The following NACC2 variants were observed in gnomAD, a reference collection of about 807,000 sequenced individuals.
NACC2 encodes nucleus accumbens-associated protein 2.
Under a neutral mutation model 25.1 loss-of-function variants are expected in NACC2, and 8 were observed. The observed-to-expected ratio is 0.32, with a 90% CI of 0.19 to 0.57. The LOEUF (loss-of-function observed/expected upper bound fraction) is 0.57. Among genes scored for constraint, NACC2 ranks in the 20% least tolerant of loss-of-function variants. NACC2 has a pLI of 0.89. For synonymous variants in NACC2, 435 were observed against 294.7 expected (o/e 1.48, Z -4.88); for missense variants, 644 against 650.2 (o/e 0.99, Z 0.10).
At chr9:136,025,540 G>C (rs1840374932) in intron 2 of NACC2, among the ~76,000 whole-genome samples, 1 of 151,850 alleles carries the variant, frequency 6.6e-6, no homozygotes, top group Non-Finnish European at 1.5e-5. Flanking sequence ...TTTTTAATGT[G>C]TACAAGAAAT....
At chr9:136,092,734 TGTTC>T (rs1210051029) in intron 1 of NACC2, among the ~76,000 whole-genome samples, 5 of 152,130 alleles carry the variant, frequency 3.3e-5, no homozygotes, top group Non-Finnish European at 5.9e-5. Flanking sequence ...TTCCCAAATG[TGTTC>T]GTTACACTGG....
intron 1 of NACC2, among the ~76,000 whole-genome samples, chr9:136,089,485 C>T (rs79872970): frequency 2.0e-5 from 3 of 151,974 alleles, no homozygotes; most frequent in East Asian, 1.9e-4. Context: ...TGTCACCCCC[C>T]ACAACCCCAC....
intron 3 of NACC2, among the ~76,000 whole-genome samples, chr9:136,014,219 C>T (rs1319680185): frequency 2.0e-5 from 3 of 152,142 alleles, no homozygotes; most frequent in Admixed American, 6.5e-5. Context: ...AAAGCCACAG[C>T]GCCCCCCACC....
chr9:136,063,433 A>G (rs534406063), intron 1 of NACC2, among the ~76,000 whole-genome samples: 1 of 152,212 alleles, frequency 6.6e-6, no homozygotes, highest in Non-Finnish European at 1.5e-5. Context: ...TCCCTCTGAG[A>G]TAAGAAGAGG....
intron 2 of NACC2, among the ~76,000 whole-genome samples, chr9:136,042,017 CAG>C (rs1840641108): frequency 6.6e-6 from 1 of 151,862 alleles, no homozygotes; most frequent in Non-Finnish European, 1.5e-5. Context: ...TTTTTTGAGA[CAG>C]AGTCTCACTC....
chr9:136,045,216 A>AG (rs1379803191), intron 2 of NACC2, among the ~76,000 whole-genome samples: 1 of 151,880 alleles, frequency 6.6e-6, no homozygotes, highest in Non-Finnish European at 1.5e-5. Context: ...AGAGGCACAC[A>AG]GGGGACACCG....
chr9:136,048,582 T>G (rs1303213408), intron 2 of NACC2, among the ~76,000 whole-genome samples: 4 of 152,182 alleles, frequency 2.6e-5, no homozygotes, highest in Non-Finnish European at 5.9e-5. Flanking sequence ...AGTGCGGAGT[T>G]CTCAGGAAGA....
intron 2 of NACC2, among the ~76,000 whole-genome samples, chr9:136,042,855 CAGAG>C (rs1182250946): frequency 1.7e-5 from 2 of 119,680 alleles, no homozygotes; most frequent in Non-Finnish European, 3.5e-5. Flanking sequence ...CAGACACACA[CAGAG>C]ACACAGAGAC....
chr9:136,059,707 A>G (rs1840981508), intron 1 of NACC2, among the ~76,000 whole-genome samples: 1 of 152,206 alleles, frequency 6.6e-6, no homozygotes, highest in Non-Finnish European at 1.5e-5. Context: ...CTCCACCATG[A>G]CAAGGACGGG....
chr9:136,025,709 T>A (rs1176924649), intron 2 of NACC2, among the ~76,000 whole-genome samples: 1 of 149,834 alleles, frequency 6.7e-6, no homozygotes, highest in Non-Finnish European at 1.5e-5. Flanking sequence ...AGGTTAGGAG[T>A]TCGAGACAGC....
At chr9:136,047,131 C>T (rs1564229699) in intron 2 of NACC2, among the ~76,000 whole-genome samples, 1 of 152,152 alleles carries the variant, frequency 6.6e-6, no homozygotes, top group Admixed American at 6.5e-5. Context: ...GAGACAGCTA[C>T]CTGCCTCCAC....
rs1830446447 is a variant in NACC2 at position 136,092,804 on chromosome 9, G to T, written c.-60+2385C>A. ...AACATGCTGGTGTATCCTGGGGTAA[G>T]GGGTGCCACCTGCTGCCCCCCTGTG... On this transcript the variant is annotated intron_variant, in intron 1 of 5. Coordinates refer to ENST00000277554, the MANE Select transcript of NACC2 (RefSeq NM_144653.5). Among the ~76,000 whole-genome samples, 3 of 152,204 alleles carry T rather than the reference G, an allele frequency of 2.0e-5. No individual in the cohort carries two copies. The South Asian group carries it at 6.2e-4, about 32-fold the overall frequency.
chr9:136,031,137 T>A (rs182927693), intron 2 of NACC2, among the ~76,000 whole-genome samples: 1 of 152,310 alleles, frequency 6.6e-6, no homozygotes, highest in African/African-American at 2.4e-5. Flanking sequence ...CTATGACATT[T>A]TTTCAAAGGT....
At chr9:136,078,832 G>A (rs568490290) in intron 1 of NACC2, among the ~76,000 whole-genome samples, 1 of 152,334 alleles carries the variant, frequency 6.6e-6, no homozygotes, top group South Asian at 2.1e-4. Flanking sequence ...CAGGAACTGA[G>A]GCTCTCAGGG....
intron 2 of NACC2, among the ~76,000 whole-genome samples, chr9:136,024,075 G>A (rs1840337304): frequency 6.6e-6 from 1 of 151,940 alleles, no homozygotes; most frequent in African/African-American, 2.4e-5. Flanking sequence ...TGAGGCCAGA[G>A]TGTGAGTGAG....
At chr9:136,012,379 C>T (rs914090004) in intron 5 of NACC2, among the ~76,000 whole-genome samples, 9 of 152,264 alleles carry the variant, frequency 5.9e-5, no homozygotes, top group Admixed American at 5.9e-4. Context: ...GGGAATAACA[C>T]ACCCCTCCCC....
At position 136,009,765 on chromosome 9, in the gene NACC2, TC is replaced by T. The variant is rs1564214106; in HGVS notation, c.*1750del. 2 of 152,386 alleles carry T rather than the reference TC, an allele frequency of 1.3e-5. No individual in the cohort carries two copies. The highest frequency in any genetic ancestry group is 2.9e-5 in the Non-Finnish European group (2 of 68,230). The allele number at this position is 152,386 out of a possible 1,614,324, so 9.4% of individuals were successfully genotyped here. A position where few individuals can be genotyped will look rare whatever the true frequency, so the allele number is the denominator to read the frequency against. ...TGGTCCTCCCCTAGCGGAGGCGGCCTCCGCTTGATGGGTTGTGGAGGTTGGG... is the reference window on the plus strand; with the variant it reads ...TGGTCCTCCCCTAGCGGAGGCGGCCTCGCTTGATGGGTTGTGGAGGTTGGG... On this transcript the variant is annotated 3_prime_UTR_variant, in exon 6 of 6. Coordinates refer to ENST00000277554, the MANE Select transcript of NACC2 (RefSeq NM_144653.5).
intron 1 of NACC2, among the ~76,000 whole-genome samples, chr9:136,069,528 GAA>G (rs577495131): frequency 1.3e-5 from 2 of 151,022 alleles, no homozygotes; most frequent in East Asian, 3.9e-4. Flanking sequence ...CAGCCTGGGT[GAA>G]AGAGTGAAAC....
At position 136,050,109 on chromosome 9, in the gene NACC2, G is replaced by A; in HGVS notation, c.413C>T (p.Ala138Val). 1 of 754,988 alleles carries A rather than the reference G, an allele frequency of 1.3e-6. No individual in the cohort carries two copies. Among genetic ancestry groups the A allele is most frequent in the Admixed American group, 1.7e-5 (1 of 57,424 alleles). The allele number at this position is 754,988 out of a possible 1,614,324, so 46.8% of individuals were successfully genotyped here. Residue 138 changes from alanine (A) to valine (V), a missense_variant, in exon 2 of 6, where the codon GCC becomes GTC. Transcript: ENST00000277554. The part of the protein sequence containing the change: ...CDSQTAVIED[A>V]GSEPQSPCNQ... ...GCAGGGGCTCTGGGGCTCGGAGCCG[G>A]CGTCCTCGATCACAGCGGTCTGCGA...
Sources: allele counts gnomAD v4.1 joint callset (sites outside exome capture counted in the v4.1 genomes callset), GRCh38; gene constraint gnomAD v4.1.1; transcripts MANE v1.5; gene names NCBI Gene and HGNC (gene_info 2026-07-23, HGNC 2026-07-21).